NEB: variants seen among roughly 807,000 people sequenced by gnomAD.
The protein encoded by NEB is nebulin.
Under a neutral mutation model 952.2 loss-of-function variants are expected in NEB, and 512 were observed. The ratio of observed to expected loss-of-function variants is 0.54; its 90% CI spans 0.50 to 0.58. The LOEUF (loss-of-function observed/expected upper bound fraction) is 0.58. Ranked by LOEUF, NEB falls within the 20% of genes least tolerant of loss-of-function variation. The pLI is 0.00. For synonymous variants in NEB, 2,900 were observed against 3,149.8 expected (o/e 0.92, Z 2.66); for missense variants, 8,428 against 9,231.1 (o/e 0.91, Z 3.56).
intron 27 of NEB, 35 bp downstream of exon 27, chr2:151,687,384 T>C (rs773892637): frequency 1.1e-5 from 17 of 1,558,070 alleles, no homozygotes; most frequent in Non-Finnish European, 1.5e-5. Flanking sequence ...AGGGAGTCCA[T>C]CTTGAAAACA....
At chr2:151,677,505 G>C in intron 34 of NEB, 60 bp downstream of exon 34, 1 of 1,305,722 alleles carries the variant, frequency 7.7e-7, no homozygotes, top group East Asian at 2.4e-5. Flanking sequence ...TTGGGCTGCT[G>C]TTTACTTTTC....
intron 135 of NEB, among the ~76,000 whole-genome samples, chr2:151,543,140 G>A (rs935244295): frequency 1.3e-5 from 2 of 152,116 alleles, no homozygotes; most frequent in Non-Finnish European, 1.5e-5. Flanking sequence ...TCAGTGGTAC[G>A]ATCCTTTCAT....
At chr2:151,488,886 A>G (rs903858417) in intron 181 of NEB, among the ~76,000 whole-genome samples, 1 of 152,070 alleles carries the variant, frequency 6.6e-6, no homozygotes, top group African/African-American at 2.4e-5. Context: ...ATCTATTGCC[A>G]TGCTAAATCG....
Position 151,499,366 on chromosome 2 carries a change from T to A in NEB, c.24046A>T (p.Lys8016Ter), listed in dbSNP as rs1263815921. Reference protein sequence around the residue: ...SSVLYKENVGKGIPIPITPEM... With the variant: ...SSVLYKENVG Reference sequence around the variant, plus strand: ...GGAGTGATGGGGATTGGAATCCCTTTTCCAACGTTTTCTTTATACAACACC... The same window carrying A: ...GGAGTGATGGGGATTGGAATCCCTTATCCAACGTTTTCTTTATACAACACC... The change falls in exon 169 of 182, where the codon AAA becomes TAA. Residue 8016 changes from lysine (K) to a stop codon, truncating the protein, a stop_gained. Coordinates refer to ENST00000397345, the MANE Select transcript of NEB (RefSeq NM_001164508.2). LOFTEE classifies it high-confidence loss of function. The A allele has an allele frequency of 6.5e-7, 1 of 1,545,080 alleles. No individual in the cohort carries two copies. The highest frequency in any genetic ancestry group is 1.2e-5 in the South Asian group (1 of 83,810).
chr2:151,535,715 C>T lies in NEB; in HGVS notation c.21288G>A (p.Lys7096=). 1 of 1,608,158 alleles carries T rather than the reference C, an allele frequency of 6.2e-7. No individual in the cohort carries two copies. The highest frequency in any genetic ancestry group is 8.5e-7 in the Non-Finnish European group (1 of 1,176,622). Residue 7096 remains lysine (K), a synonymous_variant, in exon 142 of 182, where the codon AAG becomes AAA. Coordinates refer to ENST00000397345, the MANE Select transcript of NEB (RefSeq NM_001164508.2). ...CCTCATTCATCAATTGAGTTGCATA[C>T]TTGAAATGCCTATTGATCGGAGAGT... ...VADSPINRHF[K]YATQLMNERK... is the part of the protein sequence containing the mutation.
Position 151,633,800 on chromosome 2 carries a change from C to A in NEB, c.9268G>T (p.Val3090Leu). The change falls in exon 65 of 182, where the codon GTG becomes TTG. Residue 3090 changes from valine to leucine, a missense_variant. Val to Leu is a conservative substitution (Grantham distance 32). Coordinates refer to ENST00000397345, the MANE Select transcript of NEB (RefSeq NM_001164508.2). ...GCCAGCACCACCCCCAGCATGTCCA[C>A]TGGGCTGCTGAACTTGGTCTTCCAC... ...EKWKTKFSSP[V>L]DMLGVVLAKK... The A allele has an allele frequency of 6.2e-7, 1 of 1,613,976 alleles. No individual in the cohort carries two copies. The highest frequency in any genetic ancestry group is 8.5e-7 in the Non-Finnish European group (1 of 1,179,878).
intron 63 of NEB, among the ~76,000 whole-genome samples, chr2:151,638,174 A>G (rs922761045): frequency 6.6e-6 from 1 of 152,240 alleles, no homozygotes; most frequent in Non-Finnish European, 1.5e-5. Context: ...TTTAGTCCAC[A>G]TAAGATGTCT....
rs1375298519 is a variant in NEB, at chr2:151,659,160, T to G, written c.5980A>C (p.Lys1994Gln). The G allele has an allele frequency of 6.2e-7, 1 of 1,608,370 alleles. No homozygotes were observed. The highest frequency in any genetic ancestry group is 8.5e-7 in the Non-Finnish European group (1 of 1,175,058). Reference sequence around the variant, plus strand: ...GTTTTGTCAGCCTCCCATGCTTGTTTGTAGAGATGCTAGGAAAAAAACAGT... The same window carrying G: ...GTTTTGTCAGCCTCCCATGCTTGTTGGTAGAGATGCTAGGAAAAAAACAGT... ...NAKIMNEHLYKQAWEADKTKV... is the reference protein window; with the variant it reads ...NAKIMNEHLYQQAWEADKTKV... Residue 1994 changes from lysine to glutamine, a missense_variant, in exon 47 of 182, where the codon AAA (lysine) becomes CAA (glutamine). This residue lies in a region of NEB where 2,851 missense variants were observed against 2,791.5 expected (regional missense o/e 1.02). Transcript: ENST00000397345.
intron 124 of NEB, among the ~76,000 whole-genome samples, chr2:151,557,326 C>T (rs1203714292): frequency 3.3e-5 from 5 of 152,050 alleles, no homozygotes; most frequent in South Asian, 2.1e-4. Flanking sequence ...AGGAAGAAGT[C>T]GAATCCCTGA....
intron 181 of NEB, among the ~76,000 whole-genome samples, 184 bp from the exon 182 acceptor site, chr2:151,486,117 A>T (rs145806704): frequency 3.3e-5 from 5 of 152,348 alleles, no homozygotes; most frequent in African/African-American, 1.2e-4. Flanking sequence ...CATGTATCTG[A>T]TAGGCAATTA....
intron 27 of NEB, among the ~76,000 whole-genome samples, chr2:151,685,210 C>T (rs2099485859): frequency 6.6e-6 from 1 of 152,138 alleles, no homozygotes; most frequent in Admixed American, 6.5e-5. Context: ...AGACAGCGGG[C>T]CACAGCTTCT....
Position 151,491,773 on chromosome 2 carries a change from A to C in NEB, c.25060T>G (p.Leu8354Val). Residue 8354 changes from leucine to valine, a missense_variant and splice_region_variant, in exon 179 of 182, where the codon TTA (leucine) becomes GTA (valine). Physicochemically the swap from Leu to Val is conservative, Grantham distance 32. Transcript: ENST00000397345. ...NDQDQETITG[L>V]RVWRTNPGSV... The stretch of plus-strand genomic sequence containing the variant: ...CCAGGATTAGTACGCCAGACACGTA[A>C]ACCTGAAAGGGAAACCAGTGATCAG... The C allele has an allele frequency of 5.1e-6, 8 of 1,582,258 alleles. No homozygotes were observed. The highest frequency in any genetic ancestry group is 6.9e-6 in the Non-Finnish European group (8 of 1,162,774).
At chr2:151,720,672 CT>C (rs2099771735) in intron 9 of NEB, among the ~76,000 whole-genome samples, 1 of 152,122 alleles carries the variant, frequency 6.6e-6, no homozygotes, top group Non-Finnish European at 1.5e-5. Flanking sequence ...GATTAACTGT[CT>C]TCTTGGAAAC....
At chr2:151,638,007 C>G (rs565336554) in intron 63 of NEB, among the ~76,000 whole-genome samples, 3 of 152,274 alleles carry the variant, frequency 2.0e-5, no homozygotes, top group African/African-American at 7.2e-5. Context: ...GGTGAAATAA[C>G]TAACACATCA....
rs2154147794 is a variant in NEB, at chr2:151,655,925, A to G, written c.6594T>C (p.Tyr2198=). 3 of 1,613,804 alleles carry G rather than the reference A, an allele frequency of 1.9e-6. No individual in the cohort carries two copies. Among genetic ancestry groups the G allele is most frequent in the South Asian group, 2.2e-5 (2 of 91,084 alleles). Residue 2198 remains tyrosine (Y), a synonymous_variant, in exon 50 of 182, where the codon TAT becomes TAC. Coordinates refer to ENST00000397345, the MANE Select transcript of NEB (RefSeq NM_001164508.2). The part of the protein sequence containing the change: ...EVEKAKKATE[Y]ASDQKYRQHP... ...GCTGGCGGTATTTCTGATCACTGGC[A>G]TATTCAGTTGCTTTCTTGGCCTTCT...
intron 13 of NEB, among the ~76,000 whole-genome samples, chr2:151,699,931 C>G (rs2149479839): frequency 6.7e-6 from 1 of 150,104 alleles, no homozygotes; most frequent in Non-Finnish European, 1.5e-5. Context: ...GACAGGAAGT[C>G]CTTGCCCATG....
chr2:151,629,889 T>C (rs957893303), intron 67 of NEB, among the ~76,000 whole-genome samples: 2 of 152,088 alleles, frequency 1.3e-5, no homozygotes, highest in African/African-American at 4.8e-5. Flanking sequence ...TATATCATTA[T>C]AGATTAATAT....
chr2:151,540,332 AG>A lies in NEB; in HGVS notation c.20892+11del. The stretch of plus-strand genomic sequence containing the variant: ...CCCATCACAACAGAAGAAAAAAGGA[AG>A]GGATGCATACATCACTGGCATTCCA... On this transcript the variant is annotated intron_variant, in intron 138 of 181. Transcript: ENST00000397345. 1 of 1,509,684 alleles carries A rather than the reference AG, an allele frequency of 6.6e-7. No individual in the cohort carries two copies. Among genetic ancestry groups the A allele is most frequent in the Non-Finnish European group, 9.0e-7 (1 of 1,107,924 alleles). The allele number at this position is 1,509,684 out of a possible 1,614,324, so 93.5% of individuals were successfully genotyped here.
chr2:151,501,505 ACAAAT>A, intron 167 of NEB, 22 bp from the exon 168 acceptor site: 2 of 1,402,498 alleles, frequency 1.4e-6, no homozygotes, highest in Middle Eastern at 1.8e-4. Context: ...AAACCAACAA[ACAAAT>A]CAACCTGGAC....
Sources: gnomAD v4.1 joint callset for allele counts (sites outside exome capture counted in the v4.1 genomes callset) on GRCh38, gnomAD v4.1.1 for gene constraint, gnomAD v4.1.1 regional missense constraint, MANE v1.5 for transcripts, NCBI Gene and HGNC (gene_info 2026-07-23, HGNC 2026-07-21) for gene names.